Variants in KHDRBS1 observed in about 807,000 individuals in gnomAD.
KHDRBS1 encodes the protein KH domain-containing, RNA-binding, signal transduction-associated protein 1.
Under a neutral mutation model 48.4 loss-of-function variants are expected in KHDRBS1, and 7 were observed. The ratio of observed to expected loss-of-function variants is 0.14; its 90% CI spans 0.08 to 0.27. KHDRBS1 has a LOEUF of 0.27. KHDRBS1 is among the 10% of genes least tolerant of loss of function. KHDRBS1 has a pLI of 1.00. For missense variants in KHDRBS1, 458 were observed against 601.2 expected (o/e 0.76, Z 2.49); for synonymous variants, 241 against 235.8 (o/e 1.02, Z -0.20).
chr1:32,049,898 T>A lies in KHDRBS1; in HGVS notation n.1301+4508T>A, dbSNP rs554767825. On this transcript the variant is annotated intron_variant and non_coding_transcript_variant, in intron 10 of 10. Transcript: ENST00000484270. ...GGATGGTCTCGATCTCCTGACCTCA[T>A]GATCCACCTGCCTCAGCCTCCCAAA... 6.9e-4 allele frequency among the ~76,000 whole-genome samples: 105 copies of A among 152,224 alleles called. 1 individual carries two copies. The highest frequency in any genetic ancestry group is 1.1e-3 in the Admixed American group (17 of 15,274).
At chr1:32,029,526 A>G (rs1350900599) in intron 1 of KHDRBS1, among the ~76,000 whole-genome samples, 1 of 152,006 alleles carries the variant, frequency 6.6e-6, no homozygotes, top group African/African-American at 2.4e-5. Context: ...GCATGGTGGC[A>G]CACACCTGTA....
chr1:32,046,013 A>T (rs184893744), downstream of KHDRBS1, among the ~76,000 whole-genome samples: 1 of 152,298 alleles, frequency 6.6e-6, no homozygotes, highest in East Asian at 1.9e-4. Context: ...GCCCAGAAAC[A>T]ATTGTCCAGT....
At chr1:32,055,066 C>A (rs1248413750) in intron 10 of KHDRBS1, among the ~76,000 whole-genome samples, 1 of 152,114 alleles carries the variant, frequency 6.6e-6, no homozygotes, top group East Asian at 1.9e-4. Context: ...CTAGGGTGGC[C>A]GCATGATCAG....
intron 1 of KHDRBS1, among the ~76,000 whole-genome samples, chr1:32,016,692 A>G (rs980632789): frequency 3.3e-5 from 5 of 152,088 alleles, no homozygotes; most frequent in Admixed American, 6.6e-5. Context: ...TTCCTGTACC[A>G]CCTACACAGC....
intron 1 of KHDRBS1, among the ~76,000 whole-genome samples, chr1:32,022,169 T>TTAGTAGAGACAGGGTTTCACCA (rs1638872207): frequency 2.0e-5 from 3 of 151,924 alleles, no homozygotes; most frequent in Non-Finnish European, 2.9e-5. Flanking sequence ...CTTTAAATCT[T>TTAGTAGAGACAGGGTTTCACCA]TAGTAGAGAC....
chr1:32,039,666 C>G (rs1639247441), intron 8 of KHDRBS1, 93 bp downstream of exon 8: 2 of 770,708 alleles, frequency 2.6e-6, no homozygotes, highest in South Asian at 2.9e-5. Context: ...ACAAACACAC[C>G]TACGGATAAA....
chr1:32,024,564 C>A (rs971278809), intron 1 of KHDRBS1, among the ~76,000 whole-genome samples: 2 of 151,848 alleles, frequency 1.3e-5, no homozygotes, highest in Admixed American at 1.3e-4. Flanking sequence ...TGGGCTCAAG[C>A]AATCCTCCCA....
At chr1:32,050,417 G>C (rs977994305) in intron 10 of KHDRBS1, among the ~76,000 whole-genome samples, 4 of 151,636 alleles carry the variant, frequency 2.6e-5, no homozygotes, top group African/African-American at 7.3e-5. Context: ...TTTCTTTTTT[G>C]TCATAGGTAA....
At chr1:32,041,418 AT>A (rs1453744683) in intron 8 of KHDRBS1, among the ~76,000 whole-genome samples, 1 of 152,050 alleles carries the variant, frequency 6.6e-6, no homozygotes, top group Non-Finnish European at 1.5e-5. Flanking sequence ...GGAAGAATAA[AT>A]TTAACGCAAT....
intron 8 of KHDRBS1, 35 bp from the exon 9 acceptor site, chr1:32,042,492 A>G (rs573494781): frequency 2.1e-6 from 3 of 1,454,418 alleles, no homozygotes; most frequent in Non-Finnish European, 2.9e-6. Flanking sequence ...TGCTGTCGCC[A>G]CATGGTTTAT....
rs368014237 is a variant in KHDRBS1, at chr1:32,034,725, C to G, written c.771+1391C>G. 3.9e-5 allele frequency among the ~76,000 whole-genome samples: 6 copies of G among 152,144 alleles called. No individual in the cohort carries two copies. The East Asian group carries it at 5.8e-4, about 15-fold the overall frequency. On this transcript the variant is annotated intron_variant, in intron 4 of 8. Transcript: ENST00000327300. ...GGGCGCGGTGGCTCACACCTGTAATCCCAGCATTTTGGAAGGCCGAGGCGG... is the reference window on the plus strand; with the variant it reads ...GGGCGCGGTGGCTCACACCTGTAATGCCAGCATTTTGGAAGGCCGAGGCGG...
chr1:32,042,454 A>G (rs1639297365), intron 8 of KHDRBS1, 73 bp from the exon 9 acceptor site: 1 of 923,616 alleles, frequency 1.1e-6, no homozygotes, highest in Non-Finnish European at 1.8e-6. Flanking sequence ...GATCTTTACT[A>G]TGTGACCTAT....
chr1:32,014,459 G>GC, intron 1 of KHDRBS1, 82 bp downstream of exon 1: 1 of 1,235,418 alleles, frequency 8.1e-7, no homozygotes, highest in Non-Finnish European at 1.0e-6. Flanking sequence ...CTCGCTTCCC[G>GC]CCCCCTCGGG....
Position 32,037,877 on chromosome 1 carries a change from T to A in KHDRBS1, c.948T>A (p.Gly316=). The A allele has an allele frequency of 6.2e-7, 1 of 1,614,216 alleles. No individual in the cohort carries two copies. Among genetic ancestry groups the A allele is most frequent in the South Asian group, 1.1e-5 (1 of 91,086 alleles). The change falls in exon 6 of 9, where the codon GGT becomes GGA. Residue 316 remains glycine (G), a synonymous_variant. Transcript: ENST00000327300. ...VGPPRGALVR[G]TPVRGAITRG... ...CACCTCGGGGGGCTTTGGTACGTGG[T>A]ACACCAGTAAGGGGAGCCATCACCA...
chr1:32,015,665 AT>A (rs1313144838), intron 1 of KHDRBS1, among the ~76,000 whole-genome samples: 1 of 151,932 alleles, frequency 6.6e-6, no homozygotes, highest in Non-Finnish European at 1.5e-5. Flanking sequence ...TTCTGGATGT[AT>A]TTTTTTTAAA....
chr1:32,024,633 G>A (rs1013714263), intron 1 of KHDRBS1, among the ~76,000 whole-genome samples: 14 of 151,900 alleles, frequency 9.2e-5, no homozygotes, highest in Non-Finnish European at 2.1e-4. Context: ...AGCCAGGCGT[G>A]GGTTTTTAAT....
At position 32,053,955 on chromosome 1, in the gene KHDRBS1, A is replaced by T. The variant is rs189718364; in HGVS notation, n.1302-6208A>T. Among the ~76,000 whole-genome samples the T allele has an allele frequency of 4.0e-3, 607 of 152,200 alleles. 3 individuals carry two copies. Among genetic ancestry groups the T allele is most frequent in the Non-Finnish European group, 6.6e-3 (451 of 68,020 alleles). ...AAAAATTAGCTGGGCGTGGTGGCGC[A>T]TGCCTGTAATCCTGGCTACTCGGGA... is the stretch of plus-strand genomic sequence containing the variant. On this transcript the variant is annotated intron_variant and non_coding_transcript_variant, in intron 10 of 10. Coordinates refer to the KHDRBS1 transcript ENST00000484270.
At chr1:32,051,288 C>T (rs1206721798) in intron 10 of KHDRBS1, among the ~76,000 whole-genome samples, 1 of 152,190 alleles carries the variant, frequency 6.6e-6, no homozygotes, top group African/African-American at 2.4e-5. Context: ...TCTTGTCGCC[C>T]TTATCAAAAA....
chr1:32,043,701 G>C lies in KHDRBS1; in HGVS notation c.*1077G>C, dbSNP rs1639323604. ...GGGACACTGCAGCTGAATGAAAAAGGAATCAAAATCCACTTTGTACATAAG... is the reference window on the plus strand; with the variant it reads ...GGGACACTGCAGCTGAATGAAAAAGCAATCAAAATCCACTTTGTACATAAG... On this transcript the variant is annotated 3_prime_UTR_variant, in exon 9 of 9. Transcript: ENST00000327300. 2 of 152,538 alleles carry C rather than the reference G, an allele frequency of 1.3e-5. No homozygotes were observed. Among genetic ancestry groups the C allele is most frequent in the Admixed American group, 1.3e-4 (2 of 15,260 alleles). The allele number at this position is 152,538 out of a possible 1,614,324, so 9.4% of individuals were successfully genotyped here. A position where few individuals can be genotyped will look rare whatever the true frequency, so the allele number is the denominator to read the frequency against.
Sources: gnomAD v4.1 joint callset for allele counts (sites outside exome capture counted in the v4.1 genomes callset) on GRCh38, gnomAD v4.1.1 for gene constraint, MANE v1.5 for transcripts, NCBI Gene and HGNC (gene_info 2026-07-23, HGNC 2026-07-21) for gene names.